PHF12: variants seen among roughly 807,000 people sequenced by gnomAD.
PHF12 encodes the protein PHD finger protein 12, also known as PHD factor 1.
A neutral mutation model predicts 99.8 loss-of-function variants in PHF12; 6 were observed. The observed-to-expected ratio is 0.06, with a 90% CI of 0.03 to 0.12. The LOEUF (loss-of-function observed/expected upper bound fraction) is 0.12. PHF12 is among the 10% of genes least tolerant of loss of function. The pLI, the probability that PHF12 is intolerant of heterozygous loss-of-function variation, is 1.00. For synonymous variants in PHF12, 480 were observed against 514.9 expected, an observed-to-expected ratio of 0.93 and a Z score of 0.92; for missense variants, 954 against 1,300.1, an observed-to-expected ratio of 0.73 and a Z score of 4.09.
chr17:28,944,179 T>C (rs1351934461), intron 2 of PHF12, among the ~76,000 whole-genome samples: 1 of 152,204 alleles, frequency 6.6e-6, no homozygotes, highest in Non-Finnish European at 1.5e-5. Context: ...AAGCCAAAAC[T>C]GTCCTAATAT....
chr17:28,916,756 A>G (rs1014072784), intron 7 of PHF12, among the ~76,000 whole-genome samples: 6 of 152,256 alleles, frequency 3.9e-5, no homozygotes, highest in African/African-American at 1.4e-4. Context: ...TGTCAAGAGC[A>G]TATAAATATT....
intron 7 of PHF12, among the ~76,000 whole-genome samples, chr17:28,914,671 CAAAAAAAAAAAAAAAAAAAA>C (rs61203588): frequency 3.3e-5 from 1 of 30,326 alleles, no homozygotes; most frequent in African/African-American, 9.5e-5. Context: ...GACTCCGTCT[CAAAAAAAAAAAAAAAAAAAA>C]AAAAAAAAAA....
intron 5 of PHF12, among the ~76,000 whole-genome samples, chr17:28,921,340 T>A (rs1391150270): frequency 6.6e-6 from 1 of 151,940 alleles, no homozygotes. Context: ...TTAAAAAAAT[T>A]TTTTTTTGTA....
At chr17:28,921,437 G>T (rs1050724487) in intron 5 of PHF12, among the ~76,000 whole-genome samples, 1 of 152,146 alleles carries the variant, frequency 6.6e-6, no homozygotes, top group African/African-American at 2.4e-5. Flanking sequence ...AGATTGCTGC[G>T]ATTACAGGCA....
intron 12 of PHF12, 43 bp downstream of exon 12, chr17:28,908,740 C>T (rs756577127): frequency 5.0e-5 from 79 of 1,589,864 alleles, no homozygotes; most frequent in Non-Finnish European, 6.4e-5. Context: ...GTCTTTAGGG[C>T]TGAACAGATT....
In PHF12 at chr17:28,919,196, T is replaced by C; in HGVS notation, c.916A>G (p.Thr306Ala). The change falls in exon 6 of 15, where the codon ACT becomes GCT. Residue 306 changes from threonine (T) to alanine (A), a missense_variant. By Grantham distance (58) the Thr-to-Ala change is moderately conservative (BLOSUM62 0). Transcript: ENST00000332830. ...ATCCATCTGCCCAGGGGCATGGCAG[T>C]GAGCGGCGGCTCGAGGCAATCCATG... ...FHMDCLEPPL[T>A]AMPLGRWMCP... 2 of 1,614,232 alleles carry C rather than the reference T, an allele frequency of 1.2e-6. No homozygotes were observed. Among genetic ancestry groups the C allele is most frequent in the Non-Finnish European group, 1.7e-6 (2 of 1,180,030 alleles).
rs767519966 is a variant in PHF12, at chr17:28,917,565, A to G, written c.970-116T>C. On this transcript the variant is annotated intron_variant, in intron 6 of 14. Coordinates refer to ENST00000332830, the MANE Select transcript of PHF12 (RefSeq NM_001033561.2). ...GCCCTCAGCCACATAGGTTCCCTCA[A>G]TTAGGGACCAGGATGTCGGCACTCT... 6.5e-5 allele frequency: 73 copies of G among 1,114,782 alleles called. 1 individual carries two copies. Among genetic ancestry groups the G allele is most frequent in the Admixed American group, 1.1e-4 (4 of 36,302 alleles). The allele number at this position is 1,114,782 out of a possible 1,614,324, so 69.1% of individuals were successfully genotyped here.
Position 28,950,930 on chromosome 17 carries a change from C to T in PHF12, c.31G>A (p.Val11Met), listed in dbSNP as rs2040799484. 3.7e-6 allele frequency: 6 copies of T among 1,614,056 alleles called. No individual in the cohort carries two copies. The highest frequency in any genetic ancestry group is 4.2e-6 in the Non-Finnish European group (5 of 1,179,952). The change falls in exon 1 of 15, where the codon GTG (valine) becomes ATG (methionine). Residue 11 changes from valine to methionine, a missense_variant. Physicochemically the swap from Val to Met is conservative, Grantham distance 21. This residue lies in a region of PHF12 where 66 missense variants were observed against 69.4 expected (regional missense o/e 0.95). Coordinates refer to ENST00000332830, the MANE Select transcript of PHF12 (RefSeq NM_001033561.2). The surrounding 1 kb of genome is among the most constrained non-coding windows in gnomAD (Gnocchi z 5.7). ...CCCCCTGATGTGTCCAAGTCGTACACGATCGTCTTGGTCTCCATTTTCTCC... is the reference window on the plus strand; with the variant it reads ...CCCCCTGATGTGTCCAAGTCGTACATGATCGTCTTGGTCTCCATTTTCTCC... MWEKMETKTI[V>M]YDLDTSGGLM... is the part of the protein sequence containing the mutation.
At chr17:28,914,141 G>T in intron 7 of PHF12, 104 bp from the exon 8 acceptor site, 1 of 1,292,302 alleles carries the variant, frequency 7.7e-7, no homozygotes, top group Non-Finnish European at 1.1e-6. Context: ...GGTGCTCAAG[G>T]GACCATCCAC....
intron 13 of PHF12, 72 bp downstream of exon 13, chr17:28,907,518 G>T: frequency 1.3e-6 from 2 of 1,502,766 alleles, no homozygotes; most frequent in Non-Finnish European, 1.8e-6. Context: ...TCAGGGCACT[G>T]AACAAAAACC....
At chr17:28,918,237 C>T (rs1355327891) in intron 6 of PHF12, among the ~76,000 whole-genome samples, 1 of 152,194 alleles carries the variant, frequency 6.6e-6, no homozygotes, top group African/African-American at 2.4e-5. Flanking sequence ...AAGAATTTCT[C>T]AACTGCTAGA....
rs550544301 is a variant in PHF12 at position 28,949,916 on chromosome 17, G to T, written c.248+149C>A. 5.7e-6 allele frequency: 5 copies of T among 881,964 alleles called. No individual in the cohort carries two copies. Among genetic ancestry groups the T allele is most frequent in the Non-Finnish European group, 8.4e-6 (5 of 591,882 alleles). The allele number at this position is 881,964 out of a possible 1,614,324, so 54.6% of individuals were successfully genotyped here. A position where few individuals can be genotyped will look rare whatever the true frequency, so the allele number is the denominator to read the frequency against. ...AACTGCCAGAACCCGGCGGACACCT[G>T]GGGGCGGGGAGGTGCTCGCCCCGGC... is the stretch of plus-strand genomic sequence containing the variant. On this transcript the variant is annotated intron_variant, in intron 2 of 14. Coordinates refer to ENST00000332830, the MANE Select transcript of PHF12 (RefSeq NM_001033561.2). The surrounding 1 kb of genome is among the most constrained non-coding windows in gnomAD (Gnocchi z 4.6).
Position 28,913,984 on chromosome 17 carries a change from G to C in PHF12, c.1188C>G (p.Pro396=), listed in dbSNP as rs1186346433. The C allele has an allele frequency of 1.2e-6, 2 of 1,613,678 alleles. No homozygotes were observed. The highest frequency in any genetic ancestry group is 1.3e-5 in the African/African-American group (1 of 74,986). ...QYQFPPPLIA[P]AAIRDGELIC... ...TCAGCTCCCCGTCCCGAATGGCCGC[G>C]GGTGCAATGAGAGGGGGTGGAAACT... is the stretch of plus-strand genomic sequence containing the variant. The change falls in exon 8 of 15, where the codon CCC becomes CCG. Residue 396 remains proline, a synonymous_variant. Transcript: ENST00000332830.
chr17:28,917,811 C>T (rs950065064), intron 6 of PHF12, among the ~76,000 whole-genome samples: 9 of 152,078 alleles, frequency 5.9e-5, no homozygotes, highest in Non-Finnish European at 1.0e-4. Context: ...TCAGAGAAGA[C>T]GTATGCTTCG....
intron 7 of PHF12, among the ~76,000 whole-genome samples, chr17:28,915,688 G>A (rs1567953445): frequency 6.6e-6 from 1 of 152,170 alleles, no homozygotes. Context: ...AATTCGCAAC[G>A]AAGATACAAA....
intron 6 of PHF12, 114 bp from the exon 7 acceptor site, chr17:28,917,563 C>T (rs2040085137): frequency 8.8e-7 from 1 of 1,131,562 alleles, no homozygotes; most frequent in Non-Finnish European, 1.2e-6. Context: ...TAGGTTCCCT[C>T]AATTAGGGAC....
intron 2 of PHF12, among the ~76,000 whole-genome samples, chr17:28,939,526 T>C (rs563011251): frequency 1.3e-5 from 2 of 152,320 alleles, no homozygotes; most frequent in South Asian, 4.1e-4. Context: ...AGCAGAACTA[T>C]GATGGTTTAG....
At position 28,950,976 on chromosome 17, in the gene PHF12, G is replaced by A. The variant is rs1245233994; in HGVS notation, c.-16C>T. 1 of 1,613,804 alleles carries A rather than the reference G, an allele frequency of 6.2e-7. No individual in the cohort carries two copies. Among genetic ancestry groups the A allele is most frequent in the Admixed American group, 1.7e-5 (1 of 60,014 alleles). On this transcript the variant is annotated 5_prime_UTR_variant, in exon 1 of 15. Coordinates refer to ENST00000332830, the MANE Select transcript of PHF12 (RefSeq NM_001033561.2). The surrounding 1 kb of genome is among the most constrained non-coding windows in gnomAD (Gnocchi z 5.7). ...TCTCCCACATTCATCCACCTCCCGG[G>A]CTGGGTGCTCTCTGCTCCGGCCCCC...
intron 3 of PHF12, chr17:28,926,459 C>A: frequency 4.1e-6 from 1 of 245,740 alleles, no homozygotes; most frequent in South Asian, 4.1e-5. Flanking sequence ...CTCTTGTTAC[C>A]CACAAGAGTT....
Sources: gnomAD v4.1 joint callset for allele counts (sites outside exome capture counted in the v4.1 genomes callset) on GRCh38, gnomAD v4.1.1 for gene constraint, gnomAD v4.1.1 regional missense constraint, Gnocchi (gnomAD v3.1) non-coding constraint, MANE v1.5 for transcripts, NCBI Gene and HGNC (gene_info 2026-07-23, HGNC 2026-07-21) for gene names.